The following CLOCK variants were observed in gnomAD, a reference collection of about 807,000 sequenced individuals.
CLOCK encodes circadian locomoter output cycles protein kaput.
In CLOCK, 43 loss-of-function variants were observed where a neutral mutation model predicts 118.4. That is an observed-to-expected ratio of 0.36 (90% CI 0.28 to 0.47). The LOEUF (loss-of-function observed/expected upper bound fraction) is 0.47. Ranked by LOEUF, CLOCK falls within the 20% of genes least tolerant of loss-of-function variation. CLOCK has a pLI of 1.00. For synonymous variants in CLOCK, 326 were observed against 339.2 expected (o/e 0.96, Z 0.43); for missense variants, 846 against 999.9 (o/e 0.85, Z 2.08).
intron 1 of CLOCK, among the ~76,000 whole-genome samples, chr4:55,517,928 T>C (rs1328855727): frequency 6.6e-6 from 1 of 151,964 alleles, no homozygotes; most frequent in African/African-American, 2.4e-5. Flanking sequence ...GGTACAGAAA[T>C]ATAGGGGTTA....
intron 15 of CLOCK, among the ~76,000 whole-genome samples, chr4:55,451,907 C>T (rs1022067286): frequency 1.3e-5 from 2 of 152,124 alleles, no homozygotes; most frequent in African/African-American, 4.8e-5. Flanking sequence ...AGATCCATGC[C>T]GGGTAGAAGG....
intron 1 of CLOCK, among the ~76,000 whole-genome samples, chr4:55,533,572 T>A (rs1303797706): frequency 6.6e-6 from 1 of 152,218 alleles, no homozygotes; most frequent in Non-Finnish European, 1.5e-5. Context: ...ACCATATCAC[T>A]GACTAAAGAT....
chr4:55,435,293 G>T lies in CLOCK; in HGVS notation c.*122C>A. The stretch of plus-strand genomic sequence containing the variant: ...CTCTGCCAACTAATTCCAGGAACTA[G>T]AACACTCAATACTGCATCTCATGAA... On this transcript the variant is annotated 3_prime_UTR_variant, in exon 23 of 23. Transcript: ENST00000513440. The T allele has an allele frequency of 8.6e-7, 1 of 1,163,008 alleles. No individual in the cohort carries two copies. The highest frequency in any genetic ancestry group is 1.3e-6 in the Non-Finnish European group (1 of 786,042). 72.0% of individuals were successfully genotyped at this position (1,163,008 alleles called of 1,614,324 possible).
intron 3 of CLOCK, 92 bp from the exon 4 acceptor site, chr4:55,482,920 G>A: frequency 1.7e-6 from 1 of 580,988 alleles, no homozygotes; most frequent in East Asian, 3.0e-5. Flanking sequence ...TTATCACAGA[G>A]ACTTCAAAAC....
intron 2 of CLOCK, among the ~76,000 whole-genome samples, chr4:55,500,769 T>C (rs1289584176): frequency 6.6e-6 from 1 of 152,222 alleles, no homozygotes; most frequent in Non-Finnish European, 1.5e-5. Context: ...CTAATTGTTA[T>C]CTAGAATCAT....
At chr4:55,517,967 T>TG (rs889056309) in intron 1 of CLOCK, among the ~76,000 whole-genome samples, 2 of 151,976 alleles carry the variant, frequency 1.3e-5, no homozygotes, top group East Asian at 3.9e-4. Context: ...TGAAACATGG[T>TG]GGGGGGTGGG....
rs142876265 is a variant in CLOCK at position 55,471,230 on chromosome 4, G to T, written c.349-424C>A. On this transcript the variant is annotated intron_variant, in intron 7 of 22. Transcript: ENST00000513440. ...TATGTTAACACAGAGGTGTACATCT[G>T]AAGTTTAAGGAGATATATGAAGAAT... 1.5e-3 allele frequency among the ~76,000 whole-genome samples: 228 copies of T among 152,324 alleles called. 1 individual carries two copies. The highest frequency in any genetic ancestry group is 4.8e-3 in the African/African-American group (200 of 41,578).
chr4:55,475,326 A>G (rs1341878967), intron 7 of CLOCK, among the ~76,000 whole-genome samples: 1 of 152,188 alleles, frequency 6.6e-6, no homozygotes, highest in Non-Finnish European at 1.5e-5. Context: ...GAGTTGCTCC[A>G]CTGATGAGTA....
chr4:55,504,199 TC>T (rs1728639715), intron 2 of CLOCK, among the ~76,000 whole-genome samples: 1 of 141,424 alleles, frequency 7.1e-6, no homozygotes, highest in African/African-American at 2.7e-5. Context: ...GGCAGGAGAA[TC>T]ACGTGAACCC....
At chr4:55,463,067 G>A (rs970299642) in intron 9 of CLOCK, among the ~76,000 whole-genome samples, 1 of 152,194 alleles carries the variant, frequency 6.6e-6, no homozygotes, top group East Asian at 1.9e-4. Context: ...AAGAAAATGA[G>A]GTACTCCGGT....
chr4:55,449,541 T>C (rs770681108), intron 16 of CLOCK, 45 bp from the exon 17 acceptor site: 47 of 1,472,518 alleles, frequency 3.2e-5, no homozygotes, highest in Admixed American at 2.4e-4. Flanking sequence ...TTATAAAATA[T>C]AGTTTTTAAA....
At chr4:55,542,364 A>AT (rs1560489852) in intron 1 of CLOCK, among the ~76,000 whole-genome samples, 4 of 63,740 alleles carry the variant, frequency 6.3e-5, no homozygotes, top group African/African-American at 2.7e-4. Flanking sequence ...AATAATAATA[A>AT]TAATAATAAT....
chr4:55,439,679 A>ATTT (rs1339734786), intron 21 of CLOCK, among the ~76,000 whole-genome samples: 2 of 152,304 alleles, frequency 1.3e-5, no homozygotes, highest in African/African-American at 4.8e-5. Context: ...TAGCCTTAAA[A>ATTT]AGGAAAGAAA....
chr4:55,432,013 A>G lies in CLOCK; in HGVS notation c.*3402T>C, dbSNP rs1161626395. 1 of 152,164 alleles carries G rather than the reference A, an allele frequency of 6.6e-6. No individual in the cohort carries two copies. Among genetic ancestry groups the G allele is most frequent in the Non-Finnish European group, 1.5e-5 (1 of 68,032 alleles). The allele number at this position is 152,164 out of a possible 1,614,324, so 9.4% of individuals were successfully genotyped here. A position where few individuals can be genotyped will look rare whatever the true frequency, so the allele number is the denominator to read the frequency against. ...CTTCTGAAGACCAAACATTTTCACT[A>G]TTTTGCACTGAATGTTCTATAACAA... is the stretch of plus-strand genomic sequence containing the variant. On this transcript the variant is annotated 3_prime_UTR_variant, in exon 23 of 23. Coordinates refer to ENST00000513440, the MANE Select transcript of CLOCK (RefSeq NM_004898.4).
chr4:55,545,527 T>C (rs1379091574), intron 1 of CLOCK: 2 of 152,210 alleles, frequency 1.3e-5, no homozygotes, highest in Non-Finnish European at 2.9e-5. Flanking sequence ...TTTCTTCCAC[T>C]GTAAAAATTT....
At chr4:55,492,153 C>T (rs1344488789) in intron 2 of CLOCK, among the ~76,000 whole-genome samples, 2 of 152,070 alleles carry the variant, frequency 1.3e-5, no homozygotes, top group African/African-American at 2.4e-5. Context: ...AAAATACTAC[C>T]AATCCAAACG....
intron 2 of CLOCK, among the ~76,000 whole-genome samples, chr4:55,490,205 C>G (rs939303063): frequency 2.0e-5 from 3 of 151,560 alleles, no homozygotes; most frequent in Admixed American, 6.6e-5. Context: ...CAAATGGCAG[C>G]CTAAAGAGTA....
At chr4:55,471,496 A>G (rs188783492) in intron 7 of CLOCK, among the ~76,000 whole-genome samples, 1 of 152,336 alleles carries the variant, frequency 6.6e-6, no homozygotes, top group Admixed American at 6.5e-5. Context: ...TGGACTAATT[A>G]AGGAAGTTAA....
intron 1 of CLOCK, among the ~76,000 whole-genome samples, chr4:55,525,904 T>C (rs1274247528): frequency 2.0e-5 from 3 of 150,888 alleles, no homozygotes; most frequent in Non-Finnish European, 4.4e-5. Flanking sequence ...CAGTGTGTAC[T>C]GATGGTATGC....
Sources: gnomAD v4.1 joint callset for allele counts (sites outside exome capture counted in the v4.1 genomes callset) on GRCh38, gnomAD v4.1.1 for gene constraint, MANE v1.5 for transcripts, NCBI Gene and HGNC (gene_info 2026-07-23, HGNC 2026-07-21) for gene names.